CAST: variants seen among roughly 807,000 people sequenced by gnomAD.
CAST encodes the protein MIR583 host.
CAST carries 76 observed loss-of-function variants against 119.6 expected under a neutral mutation model. That is an observed-to-expected ratio of 0.64 (90% confidence interval 0.53 to 0.77). The LOEUF (loss-of-function observed/expected upper bound fraction) is 0.77. Ranked by LOEUF, CAST falls within the 30% of genes least tolerant of loss-of-function variation. CAST has a pLI of 0.00. For synonymous variants in CAST, 319 were observed against 331.6 expected (o/e 0.96, Z 0.41); for missense variants, 953 against 946.5 (o/e 1.01, Z -0.09).
chr5:96,169,168 T>C, the CAST span, among the ~76,000 whole-genome samples: 1 of 152,144 alleles, frequency 6.6e-6, no homozygotes, highest in African/African-American at 2.4e-5. Context: ...AGAGCACGTG[T>C]GTTTTTATGA....
chr5:96,420,787 A>AAGAG, the CAST span, among the ~76,000 whole-genome samples: 2,385 of 143,408 alleles, frequency 0.017, 53 homozygotes, highest in African/African-American at 0.055. Context: ...GAGAGAGAGA[A>AAGAG]AGAGAGAGAG....
At chr5:95,981,758 C>T in the CAST span, among the ~76,000 whole-genome samples, 3 of 152,132 alleles carry the variant, frequency 2.0e-5, no homozygotes, top group Non-Finnish European at 4.4e-5. Context: ...GCCGGTAGTC[C>T]CAGCTACTCA....
chr5:96,710,769 A>G (rs910121185), intron 3 of CAST, among the ~76,000 whole-genome samples: 3 of 152,196 alleles, frequency 2.0e-5, no homozygotes, highest in Non-Finnish European at 2.9e-5. Flanking sequence ...TTATAAAACT[A>G]AATATCTTCC....
chr5:96,751,130 C>T (rs752033404), intron 20 of CAST, among the ~76,000 whole-genome samples: 6 of 152,146 alleles, frequency 3.9e-5, no homozygotes, highest in South Asian at 2.1e-4. Context: ...TTCTTCTTTT[C>T]GTGCTTCTCT....
the CAST span, among the ~76,000 whole-genome samples, chr5:95,999,320 C>T: frequency 6.6e-6 from 1 of 152,052 alleles, no homozygotes; most frequent in African/African-American, 2.4e-5. Context: ...AATAGTGTCT[C>T]ATTGTATGGA....
intron 1 of CAST, among the ~76,000 whole-genome samples, chr5:96,674,719 T>C (rs1750492319): frequency 6.6e-6 from 1 of 152,252 alleles, no homozygotes; most frequent in African/African-American, 2.4e-5. Flanking sequence ...AAGACAGTTA[T>C]GAGGAATAAG....
At chr5:96,262,091 T>G in the CAST span, among the ~76,000 whole-genome samples, 8 of 152,252 alleles carry the variant, frequency 5.3e-5, no homozygotes, top group Non-Finnish European at 1.0e-4. Flanking sequence ...GAAGTTTTCT[T>G]GGGAAAGTAG....
the CAST span, among the ~76,000 whole-genome samples, chr5:96,203,726 T>C: frequency 1.1e-4 from 17 of 152,036 alleles, 1 homozygote; most frequent in Admixed American, 9.2e-4. Flanking sequence ...ATCACTTGAT[T>C]TTATCCACAA....
chr5:96,695,929 A>G, intron 3 of CAST, 22 bp downstream of exon 3: 1 of 1,563,306 alleles, frequency 6.4e-7, no homozygotes, highest in Non-Finnish European at 8.8e-7. Context: ...CCTGAACACG[A>G]AAAGACCCCT....
the CAST span, among the ~76,000 whole-genome samples, chr5:96,277,036 C>T: frequency 6.6e-5 from 10 of 152,180 alleles, no homozygotes; most frequent in African/African-American, 1.4e-4. Context: ...TCAACAGCTG[C>T]GTAGTATTCC....
chr5:96,406,066 T>C, the CAST span, among the ~76,000 whole-genome samples: 1 of 152,192 alleles, frequency 6.6e-6, no homozygotes, highest in African/African-American at 2.4e-5. Context: ...CCCTCATCAC[T>C]GACCCCAACA....
chr5:96,729,699 C>T lies in CAST; in HGVS notation c.523C>T (p.Pro175Ser). 1 of 1,549,004 alleles carries T rather than the reference C, an allele frequency of 6.5e-7. No homozygotes were observed. Among genetic ancestry groups the T allele is most frequent in the Non-Finnish European group, 8.9e-7 (1 of 1,120,854 alleles). ...AGTTTCCAGATCAGCTGAACAGCAG[C>T]CATCAGAGAAATCAACAGAACCAAA... ...KAVSRSAEQQ[P>S]SEKSTEPKTK... The change falls in exon 8 of 32, where the codon CCA (proline) becomes TCA (serine). Residue 175 changes from proline (P) to serine (S), a missense_variant. Transcript: ENST00000675179.
At chr5:96,036,017 AG>A in the CAST span, among the ~76,000 whole-genome samples, 1 of 151,996 alleles carries the variant, frequency 6.6e-6, no homozygotes, top group African/African-American at 2.4e-5. Flanking sequence ...TGGGCATGAA[AG>A]GCAGAGTGAA....
At chr5:96,262,605 C>CT in the CAST span, among the ~76,000 whole-genome samples, 33 of 152,270 alleles carry the variant, frequency 2.2e-4, no homozygotes, top group African/African-American at 7.5e-4. Context: ...TCTCGGCTCA[C>CT]TGCAAGCTCT....
At chr5:96,345,052 T>C in the CAST span, among the ~76,000 whole-genome samples, 1 of 152,162 alleles carries the variant, frequency 6.6e-6, no homozygotes, top group South Asian at 2.1e-4. Flanking sequence ...TGAAATTCAA[T>C]TTGTATTTTG....
At chr5:96,356,393 C>G in the CAST span, among the ~76,000 whole-genome samples, 1 of 152,198 alleles carries the variant, frequency 6.6e-6, no homozygotes, top group African/African-American at 2.4e-5. Flanking sequence ...GTGTTTCAGT[C>G]ATGAAGTCTT....
the CAST span, among the ~76,000 whole-genome samples, chr5:96,212,412 T>G: frequency 2.6e-5 from 4 of 152,320 alleles, no homozygotes; most frequent in East Asian, 7.7e-4. Context: ...TGTTGTTGAT[T>G]TCTAGTTTTC....
At chr5:96,154,340 G>C in the CAST span, among the ~76,000 whole-genome samples, 11 of 151,438 alleles carry the variant, frequency 7.3e-5, no homozygotes, top group Non-Finnish European at 1.2e-4. Context: ...GATATGCAAA[G>C]ACCATAAGCA....
the CAST span, among the ~76,000 whole-genome samples, chr5:96,109,770 T>G: frequency 6.6e-6 from 1 of 152,042 alleles, no homozygotes; most frequent in East Asian, 1.9e-4. Flanking sequence ...GCAGAAGCGG[T>G]AGAGTAGTTT....
Sources: allele counts gnomAD v4.1 joint callset (sites outside exome capture counted in the v4.1 genomes callset), GRCh38; gene constraint gnomAD v4.1.1; transcripts MANE v1.5; gene names NCBI Gene and HGNC (gene_info 2026-07-23, HGNC 2026-07-21).